The following NCKAP5 variants were observed in gnomAD, a reference collection of about 807,000 sequenced individuals.
NCKAP5 encodes NCK associated protein 5.
Under a neutral mutation model 167.0 loss-of-function variants are expected in NCKAP5, and 92 were observed. That is an observed-to-expected ratio of 0.55 (90% CI 0.47 to 0.66). The LOEUF is 0.66. Ranked by LOEUF, NCKAP5 falls within the 30% of genes least tolerant of loss-of-function variation. The pLI, the probability that NCKAP5 is intolerant of heterozygous loss-of-function variation, is 0.00. For missense variants in NCKAP5, 2,378 were observed against 2,315.0 expected (o/e 1.03, Z -0.56); for synonymous variants, 891 against 877.4 (o/e 1.02, Z -0.27).
intron 16 of NCKAP5, among the ~76,000 whole-genome samples, chr2:132,742,287 A>G (rs1486653276): frequency 2.0e-5 from 3 of 152,002 alleles, no homozygotes; most frequent in African/African-American, 4.8e-5. Flanking sequence ...CTGCCTGGAT[A>G]ACATCTGCCT....
chr2:133,164,292 A>G (rs1177164142), intron 5 of NCKAP5, among the ~76,000 whole-genome samples: 4 of 152,218 alleles, frequency 2.6e-5, no homozygotes, highest in Non-Finnish European at 5.9e-5. Flanking sequence ...TTTTGTTTTG[A>G]TATTCAAATA....
intron 4 of NCKAP5, among the ~76,000 whole-genome samples, chr2:133,241,412 T>C (rs944009086): frequency 6.6e-6 from 1 of 152,240 alleles, no homozygotes; most frequent in Admixed American, 6.5e-5. Context: ...ATCTGACTTC[T>C]GGATCTGTCT....
intron 4 of NCKAP5, among the ~76,000 whole-genome samples, chr2:133,285,397 A>T (rs1416444489): frequency 6.6e-6 from 1 of 152,030 alleles, no homozygotes; most frequent in African/African-American, 2.4e-5. Flanking sequence ...GATGAGGAAG[A>T]TAACAGCTCT....
At chr2:133,265,243 T>G (rs1346503695) in intron 4 of NCKAP5, 1 of 152,238 alleles carries the variant, frequency 6.6e-6, no homozygotes, top group Non-Finnish European at 1.5e-5. Flanking sequence ...AACACGGGCC[T>G]CATTCATAAA....
chr2:133,651,759 C>T, the NCKAP5 span, among the ~76,000 whole-genome samples: 1 of 152,140 alleles, frequency 6.6e-6, no homozygotes, highest in African/African-American at 2.4e-5. Context: ...ACTTATATAT[C>T]CAATGACAGA....
intron 11 of NCKAP5, among the ~76,000 whole-genome samples, chr2:132,848,575 T>C (rs1688842125): frequency 6.6e-6 from 1 of 152,214 alleles, no homozygotes; most frequent in East Asian, 1.9e-4. Context: ...ACAACATAAA[T>C]ATATCTATTA....
chr2:133,673,436 A>G, the NCKAP5 span, among the ~76,000 whole-genome samples: 5 of 152,098 alleles, frequency 3.3e-5, no homozygotes, highest in African/African-American at 7.2e-5. Context: ...CATGGCACCC[A>G]TTTCATAAAC....
intron 11 of NCKAP5, among the ~76,000 whole-genome samples, chr2:132,829,703 A>G (rs139272089): frequency 1.4e-4 from 22 of 152,268 alleles, no homozygotes; most frequent in Non-Finnish European, 2.9e-4. Flanking sequence ...ATTACTGGAC[A>G]CCTACACCCA....
intron 3 of NCKAP5, among the ~76,000 whole-genome samples, chr2:133,382,486 G>A (rs1002252331): frequency 6.6e-6 from 1 of 152,052 alleles, no homozygotes; most frequent in Non-Finnish European, 1.5e-5. Flanking sequence ...CGCTGTCTAC[G>A]TCTCCTGCCT....
intron 5 of NCKAP5, among the ~76,000 whole-genome samples, chr2:133,189,305 CA>C (rs201303480): frequency 0.063 from 9,560 of 151,930 alleles, 393 homozygotes; most frequent in East Asian, 0.16. Flanking sequence ...GCCTACCAAC[CA>C]AAAAAAGTCC....
At chr2:132,738,285 C>G (rs1691707346) in intron 16 of NCKAP5, among the ~76,000 whole-genome samples, 1 of 152,196 alleles carries the variant, frequency 6.6e-6, no homozygotes, top group Admixed American at 6.5e-5. Context: ...AGACAAAGGA[C>G]AGCCAACAGT....
chr2:133,166,760 T>A (rs895610834), intron 5 of NCKAP5, among the ~76,000 whole-genome samples: 1 of 152,184 alleles, frequency 6.6e-6, no homozygotes, highest in African/African-American at 2.4e-5. Context: ...ATACATAAAC[T>A]GAAAAACTGA....
In NCKAP5 at chr2:132,785,266, C is replaced by A; in HGVS notation, c.1545G>T (p.Glu515Asp). Reference sequence around the variant, plus strand: ...CTTCCAGAAAGTGTTTTCTGTTTGTCTCCCAGCCAAACAGACTGTCGGAAA... The same window carrying A: ...CTTCCAGAAAGTGTTTTCTGTTTGTATCCCAGCCAAACAGACTGTCGGAAA... ...HSVSDSLFGW[E>D]TNRKHFLEGT... Residue 515 changes from glutamate to aspartate, a missense_variant, in exon 14 of 20, where the codon GAG becomes GAT. Glu to Asp is a conservative substitution (Grantham distance 45, BLOSUM62 2). Around this residue, in one of 3 missense-constraint regions of NCKAP5, gnomAD observed 1,049 missense variants for 1,023.4 expected, o/e 1.02. Coordinates refer to ENST00000409261, the MANE Select transcript of NCKAP5 (RefSeq NM_207363.3). 1 of 1,581,558 alleles carries A rather than the reference C, an allele frequency of 6.3e-7. No homozygotes were observed. The highest frequency in any genetic ancestry group is 8.6e-7 in the Non-Finnish European group (1 of 1,163,466).
intron 4 of NCKAP5, among the ~76,000 whole-genome samples, chr2:133,296,318 C>G (rs1461217149): frequency 6.6e-6 from 1 of 152,096 alleles, no homozygotes; most frequent in Non-Finnish European, 1.5e-5. Context: ...CACAACCAAT[C>G]AGCACTCCCC....
At chr2:133,288,156 G>A (rs1268004590) in intron 4 of NCKAP5, among the ~76,000 whole-genome samples, 2 of 152,128 alleles carry the variant, frequency 1.3e-5, no homozygotes, top group East Asian at 1.9e-4. Context: ...TTCTGAGCAT[G>A]GGAATTTCAG....
At chr2:133,103,184 G>T (rs1017967933) in intron 6 of NCKAP5, among the ~76,000 whole-genome samples, 1 of 152,046 alleles carries the variant, frequency 6.6e-6, no homozygotes, top group Non-Finnish European at 1.5e-5. Flanking sequence ...ATGAATGAAT[G>T]GTATAAGTTA....
At chr2:132,805,480 C>G (rs1184401170) in intron 11 of NCKAP5, among the ~76,000 whole-genome samples, 2 of 152,064 alleles carry the variant, frequency 1.3e-5, no homozygotes, top group Admixed American at 1.3e-4. Flanking sequence ...GTTTGCTAGA[C>G]ACAAACATCA....
chr2:133,601,749 A>AATG, the NCKAP5 span, among the ~76,000 whole-genome samples: 1 of 152,070 alleles, frequency 6.6e-6, no homozygotes, highest in Non-Finnish European at 1.5e-5. Flanking sequence ...AATAAATAAT[A>AATG]AATAAATAAA....
At chr2:132,746,477 A>G (rs1485635906) in intron 16 of NCKAP5, among the ~76,000 whole-genome samples, 2 of 152,150 alleles carry the variant, frequency 1.3e-5, no homozygotes, top group Admixed American at 1.3e-4. Flanking sequence ...TGGATTAGGC[A>G]TCAATTTCTT....
Sources: gnomAD v4.1 joint callset for allele counts (sites outside exome capture counted in the v4.1 genomes callset) on GRCh38, gnomAD v4.1.1 for gene constraint, gnomAD v4.1.1 regional missense constraint, MANE v1.5 for transcripts, NCBI Gene and HGNC (gene_info 2026-07-23, HGNC 2026-07-21) for gene names.